The following USP32 variants were observed in gnomAD, a reference collection of about 807,000 sequenced individuals.
USP32 encodes the protein ubiquitin carboxyl-terminal hydrolase 32.
USP32 carries 59 observed loss-of-function variants against 204.8 expected under a neutral mutation model. That is an observed-to-expected ratio of 0.29 (90% CI 0.23 to 0.36). USP32 has a LOEUF of 0.36. USP32 is among the 10% of genes least tolerant of loss of function. The pLI is 1.00. For missense variants in USP32, 1,160 were observed against 1,946.4 expected (o/e 0.60, Z 7.60); for synonymous variants, 517 against 678.4 (o/e 0.76, Z 3.70).
Position 60,181,555 on chromosome 17 carries a change from A to G in USP32, c.4317T>C (p.Cys1439=), listed in dbSNP as rs777860758. Residue 1439 remains cysteine (C), a synonymous_variant, in exon 32 of 34, where the codon TGT becomes TGC. Coordinates refer to ENST00000300896, the MANE Select transcript of USP32 (RefSeq NM_032582.4). ...CTCGACTCAAGGCGTCAGCCAGCTC[A>G]CATATCTGCCCAGCCCCATTTTCTT... ...ASKENGAGQI[C]ELADALSRGH... 1 of 1,613,986 alleles carries G rather than the reference A, an allele frequency of 6.2e-7. No individual in the cohort carries two copies. The highest frequency in any genetic ancestry group is 1.7e-5 in the Admixed American group (1 of 60,024).
At chr17:60,182,458 G>A (rs2084135568) in intron 31 of USP32, among the ~76,000 whole-genome samples, 1 of 152,146 alleles carries the variant, frequency 6.6e-6, no homozygotes, top group Admixed American at 6.5e-5. Flanking sequence ...TATTGTCTTA[G>A]TATTTTTATG....
chr17:60,338,734 A>C (rs1323425193), intron 2 of USP32, among the ~76,000 whole-genome samples: 1 of 152,212 alleles, frequency 6.6e-6, no homozygotes, highest in Non-Finnish European at 1.5e-5. Context: ...TGTCTCAAAA[A>C]AAACATAGTG....
chr17:60,227,037 C>CAAAAAA (rs58720440), intron 12 of USP32, among the ~76,000 whole-genome samples: 2 of 61,294 alleles, frequency 3.3e-5, no homozygotes, highest in Non-Finnish European at 6.8e-5. Context: ...GACTCTGTCT[C>CAAAAAA]AAAAAAAAAA....
chr17:60,227,881 T>C (rs1241224169), intron 12 of USP32, among the ~76,000 whole-genome samples: 4 of 152,162 alleles, frequency 2.6e-5, no homozygotes, highest in African/African-American at 9.7e-5. Flanking sequence ...ATGGCATAAT[T>C]ATTTATGTAA....
chr17:60,249,645 C>A, intron 11 of USP32: 1 of 673,470 alleles, frequency 1.5e-6, no homozygotes. Context: ...GAAATGAAAG[C>A]TGCTCCTGGT....
Position 60,271,219 on chromosome 17 carries a change from T to TC in USP32, c.703+130dup, listed in dbSNP as rs2086717107. On this transcript the variant is annotated intron_variant, in intron 6 of 33. Coordinates refer to ENST00000300896, the MANE Select transcript of USP32 (RefSeq NM_032582.4). The stretch of plus-strand genomic sequence containing the variant: ...TATAATAATAATTCCCATTTGTTTT[T>TC]CCCCACTCCATTAAACCTGCAAACA... The TC allele has an allele frequency of 6.8e-6, 8 of 1,172,656 alleles. No homozygotes were observed. The South Asian group carries it at 1.2e-4, about 17-fold the overall frequency. The allele number at this position is 1,172,656 out of a possible 1,614,324, so 72.6% of individuals were successfully genotyped here.
chr17:60,184,876 T>G (rs1181998439), intron 30 of USP32, among the ~76,000 whole-genome samples: 2 of 151,652 alleles, frequency 1.3e-5, no homozygotes, highest in East Asian at 3.9e-4. Flanking sequence ...ACAGTTACAC[T>G]GATCTTAATG....
Position 60,185,600 on chromosome 17 carries a change from G to A in USP32, c.3694C>T (p.Pro1232Ser). The A allele has an allele frequency of 6.2e-7, 1 of 1,611,922 alleles. No individual in the cohort carries two copies. The highest frequency in any genetic ancestry group is 8.5e-7 in the Non-Finnish European group (1 of 1,179,812). ...CGGAGACAGCTGTCCAGGTTGATGG[G>A]CTCGGCTTGCGCTCGCCGACTCTGC... Reference protein sequence around the residue: ...VEQSRRAQAEPINLDSCLRAF... With the variant: ...VEQSRRAQAESINLDSCLRAF... Residue 1232 changes from proline to serine, a missense_variant, in exon 30 of 34, where the codon CCC (proline) becomes TCC (serine). Physicochemically the swap from Pro to Ser is moderately conservative, Grantham distance 74. Around this residue, in one of 8 missense-constraint regions of USP32, gnomAD observed 160 missense variants for 322.5 expected, o/e 0.50. Transcript: ENST00000300896.
At chr17:60,211,594 AG>A (rs2084969376) in intron 19 of USP32, 80 bp from the exon 20 acceptor site, 1 of 1,504,272 alleles carries the variant, frequency 6.6e-7, no homozygotes. Context: ...TTCAATGAAA[AG>A]GTTTTTTATA....
intron 16 of USP32, among the ~76,000 whole-genome samples, chr17:60,218,338 C>A (rs2085158141): frequency 6.6e-6 from 1 of 151,590 alleles, no homozygotes; most frequent in Non-Finnish European, 1.5e-5. Context: ...GAGCCGAGAT[C>A]GTGCCACTCC....
intron 5 of USP32, among the ~76,000 whole-genome samples, chr17:60,278,216 T>A (rs1477459345): frequency 6.6e-6 from 1 of 152,086 alleles, no homozygotes; most frequent in East Asian, 1.9e-4. Context: ...TAAATAAAAA[T>A]TTTAAAAGCC....
rs913222434 is a variant in USP32 at position 60,242,582 on chromosome 17, T to C, written c.1137-6342A>G. On this transcript the variant is annotated intron_variant, in intron 11 of 33. Transcript: ENST00000300896. The stretch of plus-strand genomic sequence containing the variant: ...TGTGCCACCATGCCTGGCTAATTTT[T>C]GTGTTTTTAGTAGAGATAGGGTTTC... 5.7e-4 allele frequency among the ~76,000 whole-genome samples: 86 copies of C among 152,148 alleles called. 2 individuals are homozygous for C. Among genetic ancestry groups the C allele is most frequent in the African/African-American group, 1.9e-3 (79 of 41,448 alleles).
intron 4 of USP32, among the ~76,000 whole-genome samples, chr17:60,292,443 A>G (rs2087304164): frequency 1.3e-5 from 2 of 152,052 alleles, no homozygotes; most frequent in Non-Finnish European, 2.9e-5. Flanking sequence ...TTGATATCCA[A>G]CCCCCTAACC....
At chr17:60,256,816 G>A (rs2086319544) in intron 9 of USP32, 2 of 1,052,938 alleles carry the variant, frequency 1.9e-6, no homozygotes, top group South Asian at 3.5e-5. Flanking sequence ...CATACTTATA[G>A]GTGAATTCTG....
intron 1 of USP32, among the ~76,000 whole-genome samples, chr17:60,353,209 A>G (rs2088991939): frequency 6.6e-6 from 1 of 152,196 alleles, no homozygotes; most frequent in African/African-American, 2.4e-5. Context: ...CTCAAGCGCA[A>G]CATAGGCACA....
In USP32 at chr17:60,297,454, T is replaced by C. The variant is rs549668226; in HGVS notation, c.293-2653A>G. On this transcript the variant is annotated intron_variant, in intron 3 of 33. Coordinates refer to ENST00000300896, the MANE Select transcript of USP32 (RefSeq NM_032582.4). ...TACAATGTTTTTCCTTTTCTTTTTTTTTTTTTCTTTTTGAGACAGAGTCTT... is the reference window on the plus strand; with the variant it reads ...TACAATGTTTTTCCTTTTCTTTTTTCTTTTTTCTTTTTGAGACAGAGTCTT... Among the ~76,000 whole-genome samples, 452 of 151,494 alleles carry C rather than the reference T, an allele frequency of 3.0e-3. 3 individuals carry two copies. Among genetic ancestry groups the C allele is most frequent in the Middle Eastern group, 3.4e-3 (1 of 294 alleles).
At chr17:60,184,175 C>T (rs56839347) in intron 30 of USP32, among the ~76,000 whole-genome samples, 3,206 of 151,824 alleles carry the variant, frequency 0.021, 136 homozygotes, top group African/African-American at 0.073. Flanking sequence ...ATTAGCCAGG[C>T]GTGGTGGTGG....
At chr17:60,180,200 A>T (rs1281395361) in intron 33 of USP32, among the ~76,000 whole-genome samples, 1 of 151,542 alleles carries the variant, frequency 6.6e-6, no homozygotes, top group African/African-American at 2.4e-5. Flanking sequence ...TAATTTTTGT[A>T]TTTTTAGTAG....
At chr17:60,391,796 T>C in intron 1 of USP32, 86 bp downstream of exon 1, 1 of 1,460,752 alleles carries the variant, frequency 6.8e-7, no homozygotes, top group Non-Finnish European at 9.3e-7. Flanking sequence ...ACGCCCTCAA[T>C]CTCCCCTCTC....
Sources: gnomAD v4.1 joint callset for allele counts (sites outside exome capture counted in the v4.1 genomes callset) on GRCh38, gnomAD v4.1.1 for gene constraint, gnomAD v4.1.1 regional missense constraint, MANE v1.5 for transcripts, NCBI Gene and HGNC (gene_info 2026-07-23, HGNC 2026-07-21) for gene names.